Variants in ARCN1 observed in about 807,000 individuals in gnomAD.
ARCN1 encodes the protein archain 1 coat protein complex I subunit delta, also known as coatomer subunit delta.
In ARCN1, 5 loss-of-function variants were observed where a neutral mutation model predicts 60.4. That is an observed-to-expected ratio of 0.08 (90% CI 0.04 to 0.17). ARCN1 has a LOEUF of 0.17. Among genes scored for constraint, ARCN1 ranks in the 10% least tolerant of loss-of-function variants. The pLI is 1.00. For missense variants in ARCN1, 464 were observed against 626.5 expected (o/e 0.74, Z 2.77); for synonymous variants, 224 against 220.0 (o/e 1.02, Z -0.16).
intron 9 of ARCN1, among the ~76,000 whole-genome samples, chr11:118,599,073 C>T (rs930517016): frequency 2.0e-5 from 3 of 149,770 alleles, no homozygotes; most frequent in Admixed American, 1.3e-4. Flanking sequence ...AGATTACAGG[C>T]GTGAACTACC....
At chr11:118,587,862 G>C (rs181029040) in intron 5 of ARCN1, among the ~76,000 whole-genome samples, 19 of 152,188 alleles carry the variant, frequency 1.2e-4, no homozygotes, top group Non-Finnish European at 2.6e-4. Flanking sequence ...CAATTAATCT[G>C]CTAGAGCACC....
In ARCN1 at chr11:118,602,026, G is replaced by A. The variant is rs1939158325; in HGVS notation, c.*1312G>A. 2.9e-6 allele frequency: 1 copy of A among 347,540 alleles called. No homozygotes were observed. Among genetic ancestry groups the A allele is most frequent in the South Asian group, 5.3e-5 (1 of 18,788 alleles). 21.5% of individuals were successfully genotyped at this position (347,540 alleles called of 1,614,324 possible). The stretch of plus-strand genomic sequence containing the variant: ...GTCATCAGTCCCCTCCTTTCTAACA[G>A]AAATGGGGTTATGATTTTGAAGGCT... On this transcript the variant is annotated 3_prime_UTR_variant, in exon 10 of 10. Coordinates refer to ENST00000264028, the MANE Select transcript of ARCN1 (RefSeq NM_001655.5).
intron 2 of ARCN1, among the ~76,000 whole-genome samples, chr11:118,581,967 C>CACACA (rs1591383666): frequency 6.6e-6 from 1 of 150,462 alleles, no homozygotes; most frequent in Non-Finnish European, 1.5e-5. Context: ...CACACACACA[C>CACACA]CTTTTAAGAC....
chr11:118,592,699 C>G lies in ARCN1; in HGVS notation c.985-10C>G. On this transcript the variant is annotated splice_polypyrimidine_tract_variant and intron_variant, in intron 6 of 9. Coordinates refer to ENST00000264028, the MANE Select transcript of ARCN1 (RefSeq NM_001655.5). ...GAACCTCAGGAGTTTTCCTTTCCCTCTCATTCTAGACCCATCCAAATGTGG... is the reference window on the plus strand; with the variant it reads ...GAACCTCAGGAGTTTTCCTTTCCCTGTCATTCTAGACCCATCCAAATGTGG... The G allele has an allele frequency of 1.2e-6, 2 of 1,607,532 alleles. No individual in the cohort carries two copies. Among genetic ancestry groups the G allele is most frequent in the Non-Finnish European group, 1.7e-6 (2 of 1,175,794 alleles).
chr11:118,578,871 TCTC>T lies in ARCN1; in HGVS notation c.4-2374_4-2372del, dbSNP rs1376663306. ...CTGGGCAACATGGCAAAACCCCGTCTCTCTTTTTTTTTTTTTTTTTTTTTTTTT... is the reference window on the plus strand; with the variant it reads ...CTGGGCAACATGGCAAAACCCCGTCTTTTTTTTTTTTTTTTTTTTTTTTTT... On this transcript the variant is annotated intron_variant, in intron 1 of 9. Transcript: ENST00000264028. Among the ~76,000 whole-genome samples, 439 of 74,630 alleles carry T rather than the reference TCTC, an allele frequency of 5.9e-3. 10 individuals carry two copies. Among genetic ancestry groups the T allele is most frequent in the Middle Eastern group, 0.015 (2 of 136 alleles). 49.0% of individuals were successfully genotyped at this position (74,630 alleles called of 152,430 possible). A position where few individuals can be genotyped will look rare whatever the true frequency, so the allele number is the denominator to read the frequency against.
intron 5 of ARCN1, among the ~76,000 whole-genome samples, chr11:118,590,002 T>C: frequency 6.6e-6 from 1 of 152,108 alleles, no homozygotes; most frequent in East Asian, 1.9e-4. Flanking sequence ...TTTCTTTTCT[T>C]TTTTATTTTT....
intron 5 of ARCN1, among the ~76,000 whole-genome samples, chr11:118,585,826 A>G (rs1199056381): frequency 2.6e-5 from 4 of 152,212 alleles, no homozygotes; most frequent in African/African-American, 7.2e-5. Context: ...GGCGTCAGCC[A>G]CCATGCCCAG....
intron 6 of ARCN1, among the ~76,000 whole-genome samples, chr11:118,591,928 T>A (rs998565742): frequency 5.3e-5 from 8 of 151,328 alleles, no homozygotes; most frequent in African/African-American, 1.7e-4. Context: ...TTATTTATTT[T>A]TTATTTTTTG....
At chr11:118,593,525 A>G (rs1938959071) in intron 7 of ARCN1, 65 bp from the exon 8 acceptor site, 3 of 1,143,550 alleles carry the variant, frequency 2.6e-6, no homozygotes, top group Non-Finnish European at 3.9e-6. Context: ...GGTTACAGGC[A>G]TGAGCCACTG....
At chr11:118,580,883 A>C (rs1938634527) in intron 1 of ARCN1, among the ~76,000 whole-genome samples, 1 of 152,176 alleles carries the variant, frequency 6.6e-6, no homozygotes, top group East Asian at 1.9e-4. Flanking sequence ...CTATAATCCC[A>C]GCACTTTGGG....
rs986215369 is a variant in ARCN1 at position 118,575,413 on chromosome 11, T to G, written c.3+2863T>G. 1.1e-4 allele frequency among the ~76,000 whole-genome samples: 17 copies of G among 148,456 alleles called. No homozygotes were observed. The South Asian group carries it at 1.3e-3, about 11-fold the overall frequency. On this transcript the variant is annotated intron_variant, in intron 1 of 9. Coordinates refer to ENST00000264028, the MANE Select transcript of ARCN1 (RefSeq NM_001655.5). Reference sequence around the variant, plus strand: ...GTTCACTGCAGAAACTGATAACGGGTGTGTGTGTGTGTGTGTGTGTGTGTT... The same window carrying G: ...GTTCACTGCAGAAACTGATAACGGGGGTGTGTGTGTGTGTGTGTGTGTGTT...
chr11:118,581,394 C>G lies in ARCN1; in HGVS notation c.152C>G (p.Thr51Arg). The G allele has an allele frequency of 6.2e-7, 1 of 1,614,120 alleles. No homozygotes were observed. The highest frequency in any genetic ancestry group is 8.5e-7 in the Non-Finnish European group (1 of 1,180,032). The part of the protein sequence containing the change: ...NTGKQHTFVE[T>R]ESVRYVYQPM... ...GGAAAACAACATACGTTTGTTGAAA[C>G]AGAGAGTGTAAGATATGTCTACCAG... Residue 51 changes from threonine to arginine, a missense_variant, in exon 2 of 10, where the codon ACA (threonine) becomes AGA (arginine). By Grantham distance (71) the Thr-to-Arg change is moderately conservative. Transcript: ENST00000264028.
At chr11:118,584,423 C>T in intron 4 of ARCN1, 57 bp from the exon 5 acceptor site, 1 of 1,514,402 alleles carries the variant, frequency 6.6e-7, no homozygotes, top group Non-Finnish European at 8.9e-7. Flanking sequence ...TTCATCAGAT[C>T]ATGTGTGCTT....
intron 6 of ARCN1, among the ~76,000 whole-genome samples, chr11:118,591,947 T>C (rs1462444400): frequency 6.6e-6 from 1 of 151,620 alleles, no homozygotes; most frequent in Non-Finnish European, 1.5e-5. Flanking sequence ...TGAGACGGAG[T>C]TTCACTCTTC....
rs147118477 is a variant in ARCN1 at position 118,590,390 on chromosome 11, G to A, written c.868G>A (p.Gly290Arg). 14 of 1,613,932 alleles carry A rather than the reference G, an allele frequency of 8.7e-6. No homozygotes were observed. Among genetic ancestry groups the A allele is most frequent in the Non-Finnish European group, 1.0e-5 (12 of 1,179,894 alleles). ...EKITLTCGRD[G>R]GLQNMELHGM... ...GATAACATTAACCTGTGGACGAGAC[G>A]GAGGATTACAGAATATGGAGTTGCA... Residue 290 changes from glycine to arginine, a missense_variant, in exon 6 of 10, where the codon GGA becomes AGA. Around this residue, in one of 2 missense-constraint regions of ARCN1, gnomAD observed 359 missense variants for 440.2 expected, o/e 0.82. Coordinates refer to ENST00000264028, the MANE Select transcript of ARCN1 (RefSeq NM_001655.5).
At chr11:118,600,000 A>G (rs1939114897) in intron 9 of ARCN1, among the ~76,000 whole-genome samples, 1 of 152,194 alleles carries the variant, frequency 6.6e-6, no homozygotes, top group East Asian at 1.9e-4. Flanking sequence ...AAATTTTCCT[A>G]TTGGGGCTAT....
intron 1 of ARCN1, among the ~76,000 whole-genome samples, chr11:118,578,184 TA>T (rs1938568026): frequency 6.7e-6 from 1 of 150,022 alleles, no homozygotes; most frequent in Non-Finnish European, 1.5e-5. Context: ...AATAAATAAA[TA>T]AATAAATAAA....
At chr11:118,592,497 CT>C (rs1233524852) in intron 6 of ARCN1, among the ~76,000 whole-genome samples, 1 of 151,604 alleles carries the variant, frequency 6.6e-6, no homozygotes, top group Admixed American at 6.6e-5. Flanking sequence ...TTGAAATTAG[CT>C]TTTTTTTTAA....
rs548899030 is a variant in ARCN1 at position 118,602,478 on chromosome 11, C to A, written c.*1764C>A. 6.5e-6 allele frequency: 1 copy of A among 153,754 alleles called. No homozygotes were observed. The highest frequency in any genetic ancestry group is 2.4e-5 in the African/African-American group (1 of 41,436). 9.5% of individuals were successfully genotyped at this position (153,754 alleles called of 1,614,324 possible). A position where few individuals can be genotyped will look rare whatever the true frequency, so the allele number is the denominator to read the frequency against. Reference sequence around the variant, plus strand: ...GCACTTTTAGCTGGTTGAAAAGTACCACTCCCACTCTGAACATCTGGCCGT... The same window carrying A: ...GCACTTTTAGCTGGTTGAAAAGTACAACTCCCACTCTGAACATCTGGCCGT... On this transcript the variant is annotated 3_prime_UTR_variant, in exon 10 of 10. Transcript: ENST00000264028.
Sources: gnomAD v4.1 joint callset for allele counts (sites outside exome capture counted in the v4.1 genomes callset) on GRCh38, gnomAD v4.1.1 for gene constraint, gnomAD v4.1.1 regional missense constraint, MANE v1.5 for transcripts, NCBI Gene and HGNC (gene_info 2026-07-23, HGNC 2026-07-21) for gene names.